The following DGKI variants were observed in gnomAD, a reference collection of about 807,000 sequenced individuals.
DGKI encodes the protein diacylglycerol kinase iota.
Under a neutral mutation model 147.5 loss-of-function variants are expected in DGKI, and 55 were observed. That is an observed-to-expected ratio of 0.37 (90% CI 0.30 to 0.47). The LOEUF (loss-of-function observed/expected upper bound fraction) is 0.47, where lower values mean the gene tolerates loss of function less well. Among genes scored for constraint, DGKI ranks in the 20% least tolerant of loss-of-function variants. DGKI has a pLI of 1.00. For missense variants in DGKI, 1,007 were observed against 1,323.8 expected, an observed-to-expected ratio of 0.76 and a Z score of 3.71; for synonymous variants, 469 against 477.1, an observed-to-expected ratio of 0.98 and a Z score of 0.22.
chr7:137,486,503 G>A (rs1158381489), intron 22 of DGKI, among the ~76,000 whole-genome samples: 1 of 152,078 alleles, frequency 6.6e-6, no homozygotes, highest in Admixed American at 6.5e-5. Flanking sequence ...TTGGACCTGA[G>A]TCACTAAAAA....
At chr7:137,403,199 T>C (rs1229745369) in intron 30 of DGKI, among the ~76,000 whole-genome samples, 1 of 152,158 alleles carries the variant, frequency 6.6e-6, no homozygotes, top group East Asian at 1.9e-4. Flanking sequence ...TGTGGAATTA[T>C]TAACTCTTCC....
intron 29 of DGKI, among the ~76,000 whole-genome samples, chr7:137,408,215 G>C (rs1265993017): frequency 6.6e-6 from 1 of 152,212 alleles, no homozygotes; most frequent in African/African-American, 2.4e-5. Flanking sequence ...TGTGGGTATT[G>C]AACAGGCTAG....
At chr7:137,521,629 GATCCTGACTTGGC>G (rs1335919889) in intron 21 of DGKI, among the ~76,000 whole-genome samples, 1 of 152,106 alleles carries the variant, frequency 6.6e-6, no homozygotes, top group Non-Finnish European at 1.5e-5. Context: ...TAAGCCAAGA[GATCCTGACTTGGC>G]ATCCACAGCA....
intron 6 of DGKI, among the ~76,000 whole-genome samples, chr7:137,631,203 T>C (rs534689970): frequency 6.6e-6 from 1 of 152,310 alleles, no homozygotes; most frequent in Admixed American, 6.5e-5. Flanking sequence ...CACTTCCTTT[T>C]TGTGTAAACA....
intron 23 of DGKI, among the ~76,000 whole-genome samples, chr7:137,481,133 G>A (rs1815357460): frequency 6.6e-6 from 1 of 152,092 alleles, no homozygotes; most frequent in Non-Finnish European, 1.5e-5. Context: ...GCTTCTCTGT[G>A]CACGCTAAGA....
At chr7:137,722,889 TAA>T (rs59407060) in intron 1 of DGKI, 488 of 594,704 alleles carry the variant, frequency 8.2e-4, no homozygotes, top group South Asian at 1.2e-3. Flanking sequence ...TTGACTACGT[TAA>T]AAAAAAAAAA....
chr7:137,422,490 T>A (rs546995913), intron 28 of DGKI, among the ~76,000 whole-genome samples: 7 of 151,258 alleles, frequency 4.6e-5, no homozygotes, highest in Non-Finnish European at 7.4e-5. Flanking sequence ...ATTTCTAACA[T>A]CAATATTATA....
chr7:137,620,039 A>T (rs1448585253), intron 7 of DGKI, 99 bp from the exon 8 acceptor site: 1 of 756,176 alleles, frequency 1.3e-6, no homozygotes, highest in East Asian at 2.5e-5. Context: ...ACACACACAC[A>T]CACACACACA....
chr7:137,650,511 C>A (rs1821986588), intron 5 of DGKI, among the ~76,000 whole-genome samples: 1 of 152,140 alleles, frequency 6.6e-6, no homozygotes, highest in Non-Finnish European at 1.5e-5. Context: ...AAATCCTAAA[C>A]CCCAACGCAA....
intron 8 of DGKI, 102 bp from the exon 9 acceptor site, chr7:137,609,711 T>A: frequency 1.3e-6 from 1 of 753,122 alleles, no homozygotes; most frequent in Non-Finnish European, 2.3e-6. Context: ...GCTGTTCCAC[T>A]GCATGCTTCT....
At chr7:137,824,089 C>T (rs1192663754) in intron 1 of DGKI, among the ~76,000 whole-genome samples, 1 of 151,972 alleles carries the variant, frequency 6.6e-6, no homozygotes, top group African/African-American at 2.4e-5. Flanking sequence ...TCAGAAGGGA[C>T]AGTTAAAAAA....
At chr7:137,720,389 C>G (rs1370034170) in intron 1 of DGKI, among the ~76,000 whole-genome samples, 3 of 151,108 alleles carry the variant, frequency 2.0e-5, no homozygotes, top group African/African-American at 2.4e-5. Context: ...CCCCGAGTGG[C>G]TGGGACCACA....
intron 20 of DGKI, among the ~76,000 whole-genome samples, chr7:137,547,457 A>C (rs1279324942): frequency 6.6e-6 from 1 of 152,224 alleles, no homozygotes; most frequent in African/African-American, 2.4e-5. Context: ...CCTTCTGTCC[A>C]TGTGGACCAT....
intron 1 of DGKI, among the ~76,000 whole-genome samples, chr7:137,831,681 C>A (rs1410678473): frequency 6.6e-6 from 1 of 152,178 alleles, no homozygotes; most frequent in East Asian, 1.9e-4. Context: ...ACCACTGGCC[C>A]CTGCCAAATC....
At chr7:137,456,497 TTTA>T (rs761682507) in intron 27 of DGKI, among the ~76,000 whole-genome samples, 9 of 152,126 alleles carry the variant, frequency 5.9e-5, no homozygotes, top group Non-Finnish European at 1.2e-4. Flanking sequence ...TGCCTACCAT[TTTA>T]GGTATGGTGC....
intron 3 of DGKI, among the ~76,000 whole-genome samples, chr7:137,676,613 G>T (rs578186332): frequency 6.6e-6 from 1 of 152,038 alleles, no homozygotes; most frequent in Admixed American, 6.6e-5. Context: ...TCTTTCAGAC[G>T]TTTTGTAATA....
At chr7:137,426,212 T>C (rs546884100) in intron 28 of DGKI, among the ~76,000 whole-genome samples, 9 of 152,228 alleles carry the variant, frequency 5.9e-5, no homozygotes, top group East Asian at 5.8e-4. Flanking sequence ...GGGCAGAAAC[T>C]CTACAAGCCA....
intron 23 of DGKI, among the ~76,000 whole-genome samples, chr7:137,477,094 CCAGA>C (rs954418376): frequency 1.3e-5 from 2 of 152,274 alleles, no homozygotes; most frequent in East Asian, 1.9e-4. Context: ...CTGTTTCTTA[CCAGA>C]CAGTTTGCTC....
chr7:137,705,597 A>C (rs1212590309), intron 1 of DGKI, among the ~76,000 whole-genome samples: 1 of 152,160 alleles, frequency 6.6e-6, no homozygotes, highest in East Asian at 1.9e-4. Flanking sequence ...AAGGCACACA[A>C]GTTAACTCTC....
Sources: gnomAD v4.1 joint callset for allele counts (sites outside exome capture counted in the v4.1 genomes callset) on GRCh38, gnomAD v4.1.1 for gene constraint, MANE v1.5 for transcripts, NCBI Gene and HGNC (gene_info 2026-07-23, HGNC 2026-07-21) for gene names.